The following GRM7 variants were observed in gnomAD, a reference collection of about 807,000 sequenced individuals.
The protein encoded by GRM7 is glutamate metabotropic receptor 7, also known as metabotropic glutamate receptor 7.
A neutral mutation model predicts 84.5 loss-of-function variants in GRM7; 35 were observed. The ratio of observed to expected loss-of-function variants is 0.41; its 90% confidence interval spans 0.32 to 0.55. The LOEUF (loss-of-function observed/expected upper bound fraction) is 0.55, where lower values mean the gene tolerates loss of function less well. Ranked by LOEUF, GRM7 falls within the 20% of genes least tolerant of loss-of-function variation. GRM7 has a pLI of 0.19. For synonymous variants in GRM7, 487 were observed against 455.1 expected (o/e 1.07, Z -0.89); for missense variants, 1,003 against 1,194.6 (o/e 0.84, Z 2.36).
chr3:7,226,856 T>A (rs1458063064), intron 2 of GRM7, among the ~76,000 whole-genome samples: 1 of 152,188 alleles, frequency 6.6e-6, no homozygotes, highest in African/African-American at 2.4e-5. Flanking sequence ...ATTTTAAGGG[T>A]CTTTATTATT....
At chr3:7,522,913 G>A (rs914162911) in intron 7 of GRM7, among the ~76,000 whole-genome samples, 4 of 152,098 alleles carry the variant, frequency 2.6e-5, no homozygotes, top group African/African-American at 9.7e-5. Flanking sequence ...GAGAGGTAGT[G>A]CTCTGTCTTC....
intron 9 of GRM7, among the ~76,000 whole-genome samples, chr3:7,723,673 A>G (rs1189159624): frequency 6.6e-6 from 1 of 151,738 alleles, no homozygotes; most frequent in Non-Finnish European, 1.5e-5. Context: ...ACATAATAAG[A>G]CCCCCATCTC....
intron 4 of GRM7, among the ~76,000 whole-genome samples, chr3:7,398,589 T>C (rs984775477): frequency 5.3e-5 from 8 of 152,054 alleles, no homozygotes; most frequent in African/African-American, 1.9e-4. Context: ...AGGTGACTCT[T>C]AAATCTTGGG....
At chr3:7,546,900 A>T (rs994603341) in intron 7 of GRM7, among the ~76,000 whole-genome samples, 19 of 152,218 alleles carry the variant, frequency 1.2e-4, no homozygotes, top group African/African-American at 4.6e-4. Context: ...TAACTTAATA[A>T]GCCATTGAAA....
chr3:7,351,361 A>C (rs946405674), intron 4 of GRM7, among the ~76,000 whole-genome samples: 1 of 149,176 alleles, frequency 6.7e-6, no homozygotes, highest in Non-Finnish European at 1.5e-5. Context: ...AAAAAAAAAA[A>C]AACAACTGAC....
intron 2 of GRM7, among the ~76,000 whole-genome samples, chr3:7,224,553 C>T (rs931477726): frequency 3.3e-5 from 5 of 152,112 alleles, no homozygotes; most frequent in African/African-American, 4.8e-5. Context: ...TGCTAACTGC[C>T]GACCCATGTT....
intron 1 of GRM7, among the ~76,000 whole-genome samples, chr3:6,987,917 G>T (rs1460882557): frequency 3.3e-5 from 5 of 151,868 alleles, no homozygotes; most frequent in Non-Finnish European, 7.4e-5. Context: ...AAGAAACTCA[G>T]GCCCATGGAG....
chr3:7,261,932 T>TCCCTCCCTTCCTCCCTTCCTTCCCC (rs1387562652), intron 2 of GRM7, among the ~76,000 whole-genome samples: 21 of 110,118 alleles, frequency 1.9e-4, no homozygotes, highest in African/African-American at 5.9e-4. Flanking sequence ...CTTCCTTCCC[T>TCCCTCCCTTCCTCCCTTCCTTCCCC]CCTTCCCTCC....
intron 1 of GRM7, among the ~76,000 whole-genome samples, chr3:6,866,869 T>A (rs1694954812): frequency 6.6e-6 from 1 of 152,200 alleles, no homozygotes; most frequent in South Asian, 2.1e-4. Flanking sequence ...TCCAGGCCAA[T>A]TAGAATCTTC....
intron 4 of GRM7, among the ~76,000 whole-genome samples, chr3:7,414,548 G>C (rs899237171): frequency 6.6e-6 from 1 of 152,110 alleles, no homozygotes; most frequent in Non-Finnish European, 1.5e-5. Flanking sequence ...TGCTCATCTG[G>C]ACACTCTTTA....
In GRM7 at chr3:7,150,808, A is replaced by T. The variant is rs548857542; in HGVS notation, c.736+4140A>T. ...TTTATCAAAGTGAGGGTCAAGGTAAATGTTTATGATAGCATGTGGCACTAA... is the reference window on the plus strand; with the variant it reads ...TTTATCAAAGTGAGGGTCAAGGTAATTGTTTATGATAGCATGTGGCACTAA... On this transcript the variant is annotated intron_variant, in intron 2 of 9. Coordinates refer to ENST00000357716, the MANE Select transcript of GRM7 (RefSeq NM_000844.4). Among the ~76,000 whole-genome samples, 3 of 152,328 alleles carry T rather than the reference A, an allele frequency of 2.0e-5. No individual in the cohort carries two copies. In the East Asian group the frequency reaches 5.8e-4, roughly 29 times the overall value.
At chr3:7,266,536 T>C (rs749450557) in intron 2 of GRM7, among the ~76,000 whole-genome samples, 1 of 152,204 alleles carries the variant, frequency 6.6e-6, no homozygotes, top group African/African-American at 2.4e-5. Context: ...TCTCTGTGAA[T>C]GAGCAGTGCC....
intron 8 of GRM7, among the ~76,000 whole-genome samples, chr3:7,586,747 G>A (rs933659779): frequency 6.6e-6 from 1 of 152,174 alleles, no homozygotes; most frequent in Non-Finnish European, 1.5e-5. Flanking sequence ...GGCAGAGGTT[G>A]CAGTGGGCCA....
intron 1 of GRM7, among the ~76,000 whole-genome samples, chr3:6,948,151 G>T (rs1487256296): frequency 1.4e-5 from 2 of 146,830 alleles, no homozygotes; most frequent in South Asian, 2.1e-4. Flanking sequence ...TGATGTTAGG[G>T]TGTCAATTTT....
chr3:7,480,373 G>A (rs1007456933), intron 7 of GRM7, among the ~76,000 whole-genome samples: 1 of 152,142 alleles, frequency 6.6e-6, no homozygotes, highest in African/African-American at 2.4e-5. Flanking sequence ...AAGGGACCAA[G>A]CTCCCCACTT....
At position 7,461,573 on chromosome 3, in the gene GRM7, T is replaced by C; in HGVS notation, c.1376-10T>C. On this transcript the variant is annotated splice_polypyrimidine_tract_variant and intron_variant, in intron 6 of 9. Transcript: ENST00000357716. The stretch of plus-strand genomic sequence containing the variant: ...ACTTTAGAATCTTTCATTTTTTCTG[T>C]CTTCCTTAGGTAGTGCTGGCACTCC... 3.1e-6 allele frequency: 5 copies of C among 1,607,922 alleles called. No homozygotes were observed. Among genetic ancestry groups the C allele is most frequent in the Non-Finnish European group, 4.3e-6 (5 of 1,174,590 alleles).
At chr3:7,467,206 G>T (rs755191001) in intron 7 of GRM7, among the ~76,000 whole-genome samples, 1 of 152,068 alleles carries the variant, frequency 6.6e-6, no homozygotes, top group African/African-American at 2.4e-5. Context: ...TCATGCCTCA[G>T]CCTCCTGAGT....
chr3:7,115,659 G>T (rs1280634918), intron 1 of GRM7, among the ~76,000 whole-genome samples: 1 of 152,094 alleles, frequency 6.6e-6, no homozygotes, highest in Non-Finnish European at 1.5e-5. Flanking sequence ...TTCAGGACAG[G>T]TAGCTGTAAT....
chr3:7,704,404 A>G lies in GRM7; in HGVS notation c.2698+24109A>G, dbSNP rs146130520. ...ATTCTTTATAGAGAACATAAATGAA[A>G]AACACTGAGTGAATGATAAAAAGTT... On this transcript the variant is annotated intron_variant, in intron 9 of 9. Coordinates refer to ENST00000357716, the MANE Select transcript of GRM7 (RefSeq NM_000844.4). Among the ~76,000 whole-genome samples the G allele has an allele frequency of 3.2e-3, 484 of 152,324 alleles. 5 individuals are homozygous for G. The highest frequency in any genetic ancestry group is 0.011 in the African/African-American group (459 of 41,578).
Sources: allele counts gnomAD v4.1 joint callset (sites outside exome capture counted in the v4.1 genomes callset), GRCh38; gene constraint gnomAD v4.1.1; transcripts MANE v1.5; gene names NCBI Gene and HGNC (gene_info 2026-07-23, HGNC 2026-07-21).